RSF1: variants seen among roughly 807,000 people sequenced by gnomAD.
RSF1 encodes remodeling and spacing factor 1.
A neutral mutation model predicts 145.2 loss-of-function variants in RSF1; 13 were observed. That is an observed-to-expected ratio of 0.09 (90% CI 0.06 to 0.14). The LOEUF is 0.14. RSF1 is among the 10% of genes least tolerant of loss of function. RSF1 has a pLI of 1.00. For missense variants in RSF1, 1,517 were observed against 1,718.2 expected (o/e 0.88, Z 2.07); for synonymous variants, 577 against 592.6 (o/e 0.97, Z 0.38).
rs913391937 is a variant in RSF1, at chr11:77,701,624, T to C, written c.1605A>G (p.Pro535=). 6.2e-7 allele frequency: 1 copy of C among 1,614,178 alleles called. No individual in the cohort carries two copies. The highest frequency in any genetic ancestry group is 8.5e-7 in the Non-Finnish European group (1 of 1,180,014). The part of the protein sequence containing the change: ...QKAQIEEPDP[P]EMETSLDSSE... The stretch of plus-strand genomic sequence containing the variant: ...AAGAATCAAGAGAAGTTTCCATTTC[T>C]GGAGGATCGGGTTCCTCTATTTGTG... The change falls in exon 6 of 16, where the codon CCA becomes CCG. Residue 535 remains proline (P), a synonymous_variant. Coordinates refer to ENST00000308488, the MANE Select transcript of RSF1 (RefSeq NM_016578.4).
At chr11:77,783,371 C>G (rs1392441044) in intron 1 of RSF1, among the ~76,000 whole-genome samples, 1 of 152,140 alleles carries the variant, frequency 6.6e-6, no homozygotes, top group African/African-American at 2.4e-5. Context: ...CTTGTCATCA[C>G]TTTGTCTAGG....
intron 7 of RSF1, among the ~76,000 whole-genome samples, chr11:77,695,248 T>C (rs1184028944): frequency 6.6e-6 from 1 of 152,096 alleles, no homozygotes; most frequent in East Asian, 1.9e-4. Flanking sequence ...GCTATGCCAA[T>C]ATCTTCTCTC....
At chr11:77,695,143 G>A (rs1960251127) in intron 7 of RSF1, among the ~76,000 whole-genome samples, 1 of 152,132 alleles carries the variant, frequency 6.6e-6, no homozygotes. Flanking sequence ...AGGGAATTAA[G>A]TTTTCTAGAA....
chr11:77,744,497 A>G (rs7924567), intron 3 of RSF1, among the ~76,000 whole-genome samples: 99,782 of 151,754 alleles, frequency 0.66, 32,947 homozygotes, highest in South Asian at 0.81. Flanking sequence ...CAGAGAAGTG[A>G]TCTCGCTATG....
chr11:77,828,135 C>T, the RSF1 span, among the ~76,000 whole-genome samples: 18 of 152,014 alleles, frequency 1.2e-4, no homozygotes, highest in African/African-American at 3.6e-4. Context: ...ACTAGCTGGG[C>T]ATGGTGATGC....
At chr11:77,842,413 C>A in the RSF1 span, 1 of 1,447,162 alleles carries the variant, frequency 6.9e-7, no homozygotes, top group South Asian at 1.3e-5. Context: ...CTTAGTATCA[C>A]TGTATTTTCA....
At chr11:77,772,373 T>A (rs916549720) in intron 1 of RSF1, among the ~76,000 whole-genome samples, 1 of 152,074 alleles carries the variant, frequency 6.6e-6, no homozygotes, top group East Asian at 1.9e-4. Context: ...AGGGTCCCAC[T>A]ATGTTGGCCA....
At chr11:77,789,676 C>A (rs902283137) in intron 1 of RSF1, among the ~76,000 whole-genome samples, 5 of 152,210 alleles carry the variant, frequency 3.3e-5, no homozygotes, top group African/African-American at 1.2e-4. Context: ...CCCTGATGGT[C>A]CCCAAGTCAA....
chr11:77,802,024 C>T (rs1341194057), intron 1 of RSF1, among the ~76,000 whole-genome samples: 1 of 151,812 alleles, frequency 6.6e-6, no homozygotes, highest in Non-Finnish European at 1.5e-5. Context: ...AATAATAATC[C>T]CTAAACTAGG....
At chr11:77,867,770 T>A in the RSF1 span, among the ~76,000 whole-genome samples, 1 of 152,188 alleles carries the variant, frequency 6.6e-6, no homozygotes, top group Non-Finnish European at 1.5e-5. Flanking sequence ...CCTTTAATGC[T>A]CAATTCATCT....
intron 5 of RSF1, among the ~76,000 whole-genome samples, chr11:77,708,796 G>A (rs1489007455): frequency 1.8e-4 from 28 of 151,984 alleles, no homozygotes. Context: ...TTCCTCCCCT[G>A]TTACAAATAG....
At chr11:77,811,173 G>A (rs189822459) in intron 1 of RSF1, among the ~76,000 whole-genome samples, 194 of 152,336 alleles carry the variant, frequency 1.3e-3, no homozygotes, top group Non-Finnish European at 2.4e-3. Context: ...CTGTATACCA[G>A]TAAAACCTTA....
chr11:77,797,836 A>G (rs1008997737), intron 1 of RSF1, among the ~76,000 whole-genome samples: 1 of 94,530 alleles, frequency 1.1e-5, no homozygotes, highest in African/African-American at 3.6e-5. Context: ...ACCCCATCAA[A>G]AAGTGGGCAA....
At chr11:77,868,984 C>A in the RSF1 span, 1 of 299,344 alleles carries the variant, frequency 3.3e-6, no homozygotes, top group Non-Finnish European at 6.4e-6. Flanking sequence ...GCCAACAGCA[C>A]GTTGGGTAAT....
chr11:77,863,535 T>C, the RSF1 span, among the ~76,000 whole-genome samples: 4 of 151,858 alleles, frequency 2.6e-5, no homozygotes, highest in African/African-American at 7.3e-5. Flanking sequence ...ATTACAGGCA[T>C]GTGCCACTAC....
At position 77,730,758 on chromosome 11, in the gene RSF1, G is replaced by A. The variant is rs138688335; in HGVS notation, c.579-5059C>T. 9.5e-3 allele frequency among the ~76,000 whole-genome samples: 1,450 copies of A among 152,264 alleles called. 23 individuals are homozygous for A. Among genetic ancestry groups the A allele is most frequent in the African/African-American group, 0.032 (1,330 of 41,542 alleles). On this transcript the variant is annotated intron_variant, in intron 4 of 15. Transcript: ENST00000308488. ...GAGTCTCACGAGATCTGATGGTTTTGAAAACAGGAGTTTCCTGCACAAGCT... is the reference window on the plus strand; with the variant it reads ...GAGTCTCACGAGATCTGATGGTTTTAAAAACAGGAGTTTCCTGCACAAGCT...
chr11:77,836,023 T>G, the RSF1 span, among the ~76,000 whole-genome samples: 1 of 152,194 alleles, frequency 6.6e-6, no homozygotes, highest in African/African-American at 2.4e-5. Context: ...ATTTTCTCAC[T>G]TATTAGCTAT....
In RSF1 at chr11:77,764,762, AT is replaced by A. The variant is rs575700145; in HGVS notation, c.188-74del. On this transcript the variant is annotated intron_variant, in intron 1 of 15. Coordinates refer to ENST00000308488, the MANE Select transcript of RSF1 (RefSeq NM_016578.4). ...TCTAAACATTTAAGATAATAAAAAA[AT>A]AATCTTCTCCAACCCTGGATACCTT... 1.0e-3 allele frequency: 971 copies of A among 967,574 alleles called. 4 individuals are homozygous for A. The African/African-American group carries it at 0.011, about 11-fold the overall frequency. 59.9% of individuals were successfully genotyped at this position (967,574 alleles called of 1,614,324 possible).
intron 2 of RSF1, among the ~76,000 whole-genome samples, chr11:77,749,108 T>C (rs969100087): frequency 1.3e-5 from 2 of 152,032 alleles, no homozygotes; most frequent in Admixed American, 6.6e-5. Flanking sequence ...AATAGTCAAA[T>C]CCATACAGAT....
Sources: allele counts gnomAD v4.1 joint callset (sites outside exome capture counted in the v4.1 genomes callset), GRCh38; gene constraint gnomAD v4.1.1; transcripts MANE v1.5; gene names NCBI Gene and HGNC (gene_info 2026-07-23, HGNC 2026-07-21).